DNAH8: variants seen among roughly 807,000 people sequenced by gnomAD.
DNAH8 encodes axonemal beta dynein heavy chain 8.
A neutral mutation model predicts 562.1 loss-of-function variants in DNAH8; 382 were observed. The ratio of observed to expected loss-of-function variants is 0.68; its 90% CI spans 0.63 to 0.74. The LOEUF is 0.74. Among genes scored for constraint, DNAH8 ranks in the 30% least tolerant of loss-of-function variants. The probability of loss-of-function intolerance (pLI) is 0.00; values close to 1 mark genes in which losing one functional copy is unlikely to be tolerated. For missense variants in DNAH8, 5,203 were observed against 5,620.4 expected (o/e 0.93, Z 2.37); for synonymous variants, 1,881 against 1,919.4 (o/e 0.98, Z 0.52).
intron 88 of DNAH8, among the ~76,000 whole-genome samples, chr6:38,996,580 G>A (rs906113124): frequency 6.6e-6 from 1 of 152,188 alleles, no homozygotes; most frequent in African/African-American, 2.4e-5. Context: ...CACCCATGAT[G>A]ACTAATCGAC....
At chr6:39,020,950 G>A (rs1316171455) in intron 91 of DNAH8, among the ~76,000 whole-genome samples, 2 of 152,124 alleles carry the variant, frequency 1.3e-5, no homozygotes, top group African/African-American at 4.8e-5. Flanking sequence ...CCATGTCTTT[G>A]CTATTATAAG....
At chr6:38,999,300 T>G (rs1328330161) in intron 88 of DNAH8, among the ~76,000 whole-genome samples, 1 of 152,068 alleles carries the variant, frequency 6.6e-6, no homozygotes. Flanking sequence ...TGCAATGGTG[T>G]GCACTGTTGG....
chr6:39,009,301 T>TA (rs66901983), intron 89 of DNAH8, among the ~76,000 whole-genome samples: 74 of 148,766 alleles, frequency 5.0e-4, no homozygotes, highest in South Asian at 1.3e-3. Context: ...TAAGCTGTGC[T>TA]AAAAAAAAAA....
chr6:38,802,558 A>G (rs571986161), intron 21 of DNAH8, among the ~76,000 whole-genome samples: 2 of 152,356 alleles, frequency 1.3e-5, no homozygotes, highest in East Asian at 3.9e-4. Flanking sequence ...GACAAAGTGC[A>G]GGCATTTTGA....
At position 38,904,792 on chromosome 6, in the gene DNAH8, CA is replaced by C. The variant is rs759782655; in HGVS notation, c.9195-1442del. Among the ~76,000 whole-genome samples, 269 of 86,374 alleles carry C rather than the reference CA, an allele frequency of 3.1e-3. 1 individual carries two copies. Among genetic ancestry groups the C allele is most frequent in the African/African-American group, 9.5e-3 (212 of 22,362 alleles). 56.7% of individuals were successfully genotyped at this position (86,374 alleles called of 152,430 possible). On this transcript the variant is annotated intron_variant, in intron 62 of 92. Coordinates refer to ENST00000327475, the MANE Select transcript of DNAH8 (RefSeq NM_001206927.2). ...GGGCAAGAAGAGTGAAACTCCGTCT[CA>C]AAAAAAAAAAAAAAAAAAAGAAAGA...
chr6:38,843,908 T>A (rs1315548717), intron 35 of DNAH8, among the ~76,000 whole-genome samples: 1 of 152,156 alleles, frequency 6.6e-6, no homozygotes, highest in African/African-American at 2.4e-5. Flanking sequence ...ACTGTCCATG[T>A]CCCCTCAGCC....
intron 8 of DNAH8, among the ~76,000 whole-genome samples, chr6:38,742,832 A>G (rs371751820): frequency 6.6e-6 from 1 of 152,018 alleles, no homozygotes; most frequent in African/African-American, 2.4e-5. Context: ...GTGTGAGTTT[A>G]CTATGCACAA....
intron 4 of DNAH8, among the ~76,000 whole-genome samples, chr6:38,732,532 G>A (rs1310121595): frequency 1.3e-5 from 2 of 152,126 alleles, no homozygotes; most frequent in Non-Finnish European, 2.9e-5. Context: ...TTATATGAGT[G>A]GAAAGCAGTG....
At chr6:38,892,967 C>T (rs1469407094) in intron 58 of DNAH8, among the ~76,000 whole-genome samples, 1 of 152,180 alleles carries the variant, frequency 6.6e-6, no homozygotes, top group African/African-American at 2.4e-5. Flanking sequence ...TTGTCCCTAT[C>T]CTAGTCATTA....
At chr6:38,999,241 A>G (rs1398043937) in intron 88 of DNAH8, among the ~76,000 whole-genome samples, 1 of 152,138 alleles carries the variant, frequency 6.6e-6, no homozygotes, top group Non-Finnish European at 1.5e-5. Flanking sequence ...CTCTCCTTGG[A>G]GCACCAGTGA....
intron 11 of DNAH8, among the ~76,000 whole-genome samples, 155 bp downstream of exon 11, chr6:38,761,958 T>C (rs1766563800): frequency 6.6e-6 from 1 of 152,220 alleles, no homozygotes; most frequent in Non-Finnish European, 1.5e-5. Flanking sequence ...CTATTTCCCT[T>C]TATATTTAGT....
intron 62 of DNAH8, 26 bp downstream of exon 62, chr6:38,899,932 T>C (rs772035026): frequency 7.5e-5 from 113 of 1,510,856 alleles, no homozygotes; most frequent in Non-Finnish European, 9.6e-5. Context: ...ACACAATATG[T>C]TTTTCTATAG....
intron 62 of DNAH8, among the ~76,000 whole-genome samples, chr6:38,902,331 T>C (rs1437962262): frequency 6.6e-6 from 1 of 152,072 alleles, no homozygotes; most frequent in Non-Finnish European, 1.5e-5. Context: ...ACCACCTCTA[T>C]CTGGTGGGTG....
Position 38,810,684 on chromosome 6 carries a change from C to T in DNAH8, c.3257+2968C>T, listed in dbSNP as rs148488111. 7.9e-5 allele frequency among the ~76,000 whole-genome samples: 12 copies of T among 152,240 alleles called. No individual in the cohort carries two copies. The East Asian group carries it at 1.4e-3, about 17-fold the overall frequency. On this transcript the variant is annotated intron_variant, in intron 24 of 92. Transcript: ENST00000327475. Reference sequence around the variant, plus strand: ...CAAGGGCCTTGGCAGGCTTTACTCACTGAACTGTACATATTTTATTCCTGT... The same window carrying T: ...CAAGGGCCTTGGCAGGCTTTACTCATTGAACTGTACATATTTTATTCCTGT...
Position 39,008,872 on chromosome 6 carries a change from G to A in DNAH8, c.13273G>A (p.Glu4425Lys). ...LETITNIQPK[E>K]SGGGVGETRE... ...AACAATTACCAACATTCAACCCAAA[G>A]AGAGTGGAGGTGGTGTGGGAGAGAC... Residue 4425 changes from glutamate to lysine, a missense_variant, in exon 89 of 93, where the codon GAG (glutamate) becomes AAG (lysine). By Grantham distance (56) the Glu-to-Lys change is moderately conservative. Coordinates refer to ENST00000327475, the MANE Select transcript of DNAH8 (RefSeq NM_001206927.2). 1 of 1,607,214 alleles carries A rather than the reference G, an allele frequency of 6.2e-7. No homozygotes were observed. The highest frequency in any genetic ancestry group is 2.2e-5 in the East Asian group (1 of 44,824).
intron 5 of DNAH8, among the ~76,000 whole-genome samples, chr6:38,736,315 T>C (rs1024523538): frequency 1.3e-5 from 2 of 152,196 alleles, no homozygotes; most frequent in Non-Finnish European, 2.9e-5. Flanking sequence ...ATGAGCCATG[T>C]GGTGTAACAG....
Position 38,822,929 on chromosome 6 carries a change from CCTTT to C in DNAH8, c.3619_3622del (p.Ser1207ProfsTer3). ...AGGATATTTCTAAGTTGGTCCTGCT[CCTTT>C]CTTCCTCTGTAAATTCCCTAAGAAA... On this transcript the variant is annotated frameshift_variant, in exon 27 of 93. Coordinates refer to ENST00000327475, the MANE Select transcript of DNAH8 (RefSeq NM_001206927.2). LOFTEE classifies it high-confidence loss of function. The C allele has an allele frequency of 6.2e-7, 1 of 1,613,694 alleles. No homozygotes were observed. The highest frequency in any genetic ancestry group is 8.5e-7 in the Non-Finnish European group (1 of 1,179,858).
At position 39,030,509 on chromosome 6, in the gene DNAH8, T is replaced by C; in HGVS notation, c.*117T>C. On this transcript the variant is annotated 3_prime_UTR_variant, in exon 93 of 93. Transcript: ENST00000327475. Reference sequence around the variant, plus strand: ...AATTCCTTAATTACTCTTTCTACATTAAAAAGTTGATGTTCTAAAATTGCT... The same window carrying C: ...AATTCCTTAATTACTCTTTCTACATCAAAAAGTTGATGTTCTAAAATTGCT... The C allele has an allele frequency of 1.1e-6, 1 of 912,764 alleles. No homozygotes were observed. The highest frequency in any genetic ancestry group is 1.6e-6 in the Non-Finnish European group (1 of 615,336). 56.5% of individuals were successfully genotyped at this position (912,764 alleles called of 1,614,324 possible). A position where few individuals can be genotyped will look rare whatever the true frequency, so the allele number is the denominator to read the frequency against.
intron 91 of DNAH8, among the ~76,000 whole-genome samples, chr6:39,019,276 G>A (rs1322932224): frequency 6.6e-6 from 1 of 152,178 alleles, no homozygotes; most frequent in African/African-American, 2.4e-5. Context: ...GAGTAATAAG[G>A]AAGGAAAGGG....
Sources: allele counts gnomAD v4.1 joint callset (sites outside exome capture counted in the v4.1 genomes callset), GRCh38; gene constraint gnomAD v4.1.1; transcripts MANE v1.5; gene names NCBI Gene and HGNC (gene_info 2026-07-23, HGNC 2026-07-21).